The following FAM151B variants were observed in gnomAD, a reference collection of about 807,000 sequenced individuals.
The protein encoded by FAM151B is family with sequence similarity 151 member B, also known as protein FAM151B.
A neutral mutation model predicts 31.2 loss-of-function variants in FAM151B; 24 were observed. That is an observed-to-expected ratio of 0.77 (90% CI 0.56 to 1.08). The LOEUF (loss-of-function observed/expected upper bound fraction) is 1.08, where lower values mean the gene tolerates loss of function less well. FAM151B is among the 50% of genes least tolerant of loss of function. The pLI, the probability that FAM151B is intolerant of heterozygous loss-of-function variation, is 0.00. For missense variants in FAM151B, 293 were observed against 328.6 expected (o/e 0.89, Z 0.84); for synonymous variants, 105 against 111.4 (o/e 0.94, Z 0.36).
At chr5:80,499,933 G>A (rs1743682894) in intron 1 of FAM151B, 1 of 148,276 alleles carries the variant, frequency 6.7e-6, no homozygotes, top group Admixed American at 6.8e-5. Flanking sequence ...TCACCACTTT[G>A]TAAAGATATC....
At chr5:80,502,936 T>C (rs1334333792) in intron 2 of FAM151B, among the ~76,000 whole-genome samples, 2 of 152,210 alleles carry the variant, frequency 1.3e-5, no homozygotes, top group Admixed American at 1.3e-4. Context: ...TTTAGCAAAA[T>C]TGATGCCTCA....
At chr5:80,532,035 C>T (rs561376816) in intron 5 of FAM151B, among the ~76,000 whole-genome samples, 1 of 152,172 alleles carries the variant, frequency 6.6e-6, no homozygotes, top group African/African-American at 2.4e-5. Context: ...GGCACATATA[C>T]ACCATGGAAT....
chr5:80,537,805 C>T (rs942543128), intron 5 of FAM151B, among the ~76,000 whole-genome samples: 1 of 152,046 alleles, frequency 6.6e-6, no homozygotes, highest in Non-Finnish European at 1.5e-5. Flanking sequence ...ATTAATAAAA[C>T]ATTATTAATG....
intron 5 of FAM151B, among the ~76,000 whole-genome samples, chr5:80,523,513 A>G (rs1363275083): frequency 6.6e-6 from 1 of 152,194 alleles, no homozygotes; most frequent in Admixed American, 6.5e-5. Flanking sequence ...GCACAGAGAC[A>G]TAGGTACAAG....
intron 2 of FAM151B, among the ~76,000 whole-genome samples, chr5:80,504,514 C>CTTTTTTTTTTTT: frequency 1.7e-5 from 1 of 58,744 alleles, no homozygotes; most frequent in Admixed American, 2.7e-4. Context: ...GACTATTACT[C>CTTTTTTTTTTTT]TTTTTTTTTT....
chr5:80,521,405 C>T lies in FAM151B; in HGVS notation c.536-598C>T, dbSNP rs543372346. 5.9e-5 allele frequency among the ~76,000 whole-genome samples: 9 copies of T among 152,120 alleles called. No individual in the cohort carries two copies. In the South Asian group the frequency reaches 1.9e-3, roughly 32 times the overall value. On this transcript the variant is annotated intron_variant, in intron 4 of 5. Coordinates refer to ENST00000282226, the MANE Select transcript of FAM151B (RefSeq NM_205548.3). The stretch of plus-strand genomic sequence containing the variant: ...CCTCTCAAAGTGCTGGGATTACAGG[C>T]ATAAACCACCATGCCTGGCCCACAA...
In FAM151B at chr5:80,513,764, C is replaced by T. The variant is rs1421770465; in HGVS notation, c.312C>T (p.Phe104=). The change falls in exon 3 of 6, where the codon TTC becomes TTT. Residue 104 remains phenylalanine, a synonymous_variant. Coordinates refer to ENST00000282226, the MANE Select transcript of FAM151B (RefSeq NM_205548.3). ...MKSNKGIKLD[F]KSLAVVEPSM... is the part of the protein sequence containing the mutation. ...GCAATAAAGGCATCAAGCTGGATTT[C>T]AAAAGGTATTTGTATAAACACGTTC... The T allele has an allele frequency of 6.2e-7, 1 of 1,608,368 alleles. No individual in the cohort carries two copies. Among genetic ancestry groups the T allele is most frequent in the South Asian group, 1.1e-5 (1 of 89,692 alleles).
intron 1 of FAM151B, among the ~76,000 whole-genome samples, chr5:80,493,740 G>C (rs373284544): frequency 6.6e-6 from 1 of 152,130 alleles, no homozygotes; most frequent in Non-Finnish European, 1.5e-5. Context: ...TAGTCAGACC[G>C]GTTCTCTGCT....
In FAM151B at chr5:80,520,030, G is replaced by T. The variant is rs184186590; in HGVS notation, c.535+120G>T. ...AAAATCTAAGCCTGATGGAAAAAAA[G>T]GCCTGACCCTTCAGGTATGTGCAGA... is the stretch of plus-strand genomic sequence containing the variant. On this transcript the variant is annotated intron_variant, in intron 4 of 5. Coordinates refer to ENST00000282226, the MANE Select transcript of FAM151B (RefSeq NM_205548.3). 5 of 894,450 alleles carry T rather than the reference G, an allele frequency of 5.6e-6. No individual in the cohort carries two copies. In the African/African-American group the frequency reaches 6.8e-5, roughly 12 times the overall value. The allele number at this position is 894,450 out of a possible 1,614,324, so 55.4% of individuals were successfully genotyped here.
chr5:80,517,632 A>C (rs1744515255), intron 3 of FAM151B, among the ~76,000 whole-genome samples: 1 of 152,192 alleles, frequency 6.6e-6, no homozygotes, highest in African/African-American at 2.4e-5. Context: ...AAATATTTAC[A>C]TATAAAATGG....
intron 3 of FAM151B, among the ~76,000 whole-genome samples, chr5:80,519,094 A>G (rs1050132976): frequency 2.0e-5 from 3 of 152,230 alleles, no homozygotes; most frequent in Admixed American, 6.5e-5. Context: ...TCTAATTTTC[A>G]GAAAAGGTTC....
chr5:80,493,808 T>C (rs1743405557), intron 1 of FAM151B, among the ~76,000 whole-genome samples: 1 of 152,180 alleles, frequency 6.6e-6, no homozygotes, highest in African/African-American at 2.4e-5. Context: ...CAGCGGGACA[T>C]AGACCCTCAT....
chr5:80,519,321 A>G (rs1744598598), intron 3 of FAM151B, among the ~76,000 whole-genome samples: 1 of 152,202 alleles, frequency 6.6e-6, no homozygotes, highest in South Asian at 2.1e-4. Context: ...CAGGTTATTA[A>G]GTGTATTTCA....
At chr5:80,519,347 C>T (rs929613424) in intron 3 of FAM151B, among the ~76,000 whole-genome samples, 1 of 152,178 alleles carries the variant, frequency 6.6e-6, no homozygotes, top group Non-Finnish European at 1.5e-5. Flanking sequence ...CTTATTTATA[C>T]ATTCTGGAAC....
At chr5:80,538,474 CTTTCTTTCT>C (rs1745680458) in intron 5 of FAM151B, among the ~76,000 whole-genome samples, 10 of 123,898 alleles carry the variant, frequency 8.1e-5, no homozygotes, top group Admixed American at 3.4e-4. Flanking sequence ...TTCTTTCTTT[CTTTCTTTCT>C]TTCCTTCCTT....
chr5:80,500,122 A>G, intron 1 of FAM151B: 1 of 337,498 alleles, frequency 3.0e-6, no homozygotes, highest in South Asian at 3.8e-5. Flanking sequence ...CCCGGAGGAC[A>G]TTATGCTAAG....
At position 80,537,787 on chromosome 5, in the gene FAM151B, T is replaced by C. The variant is rs981438259; in HGVS notation, c.672-3886T>C. 4.6e-5 allele frequency among the ~76,000 whole-genome samples: 7 copies of C among 152,306 alleles called. No individual in the cohort carries two copies. In the East Asian group the frequency reaches 1.2e-3, roughly 25 times the overall value. ...ATATTGGAGTAAAACTACCAGCTTC[T>C]GTCATACATTAATAAAACATTATTA... On this transcript the variant is annotated intron_variant, in intron 5 of 5. Coordinates refer to ENST00000282226, the MANE Select transcript of FAM151B (RefSeq NM_205548.3).
intron 2 of FAM151B, 70 bp downstream of exon 2, chr5:80,501,987 G>T: frequency 7.6e-7 from 1 of 1,307,392 alleles, no homozygotes; most frequent in Non-Finnish European, 1.0e-6. Flanking sequence ...TTGATATCTA[G>T]GTATATTTGC....
At position 80,522,038 on chromosome 5, in the gene FAM151B, A is replaced by G. The variant is rs1246581483; in HGVS notation, c.571A>G (p.Ile191Val). The G allele has an allele frequency of 6.2e-7, 1 of 1,609,700 alleles. No individual in the cohort carries two copies. Among genetic ancestry groups the G allele is most frequent in the African/African-American group, 1.3e-5 (1 of 74,900 alleles). ...SWTMVKEMEY[I>V]CNELSQPVTF... Reference sequence around the variant, plus strand: ...GACAATGGTGAAAGAGATGGAATATATATGTAATGAACTAAGTCAGCCTGT... The same window carrying G: ...GACAATGGTGAAAGAGATGGAATATGTATGTAATGAACTAAGTCAGCCTGT... The change falls in exon 5 of 6, where the codon ATA (isoleucine) becomes GTA (valine). Residue 191 changes from isoleucine (I) to valine (V), a missense_variant. By Grantham distance (29) the Ile-to-Val change is conservative. Transcript: ENST00000282226.
Sources: allele counts gnomAD v4.1 joint callset (sites outside exome capture counted in the v4.1 genomes callset), GRCh38; gene constraint gnomAD v4.1.1; transcripts MANE v1.5; gene names NCBI Gene and HGNC (gene_info 2026-07-23, HGNC 2026-07-21).